SLC44A5: variants seen among roughly 807,000 people sequenced by gnomAD.
SLC44A5 encodes choline transporter-like protein 5.
A neutral mutation model predicts 101.8 loss-of-function variants in SLC44A5; 57 were observed. The observed-to-expected ratio is 0.56, with a 90% confidence interval of 0.45 to 0.70. The LOEUF (loss-of-function observed/expected upper bound fraction) is 0.70. Among genes scored for constraint, SLC44A5 ranks in the 30% least tolerant of loss-of-function variants. The pLI is 0.00. For synonymous variants in SLC44A5, 281 were observed against 290.9 expected, an observed-to-expected ratio of 0.97 and a Z score of 0.35; for missense variants, 737 against 853.1, an observed-to-expected ratio of 0.86 and a Z score of 1.70.
At chr1:75,423,866 T>C (rs1016367592) in intron 2 of SLC44A5, among the ~76,000 whole-genome samples, 9 of 152,216 alleles carry the variant, frequency 5.9e-5, no homozygotes, top group African/African-American at 2.2e-4. Flanking sequence ...CTGTTTTCCA[T>C]TTAAAACACC....
At chr1:75,653,618 CCCACA>C in the SLC44A5 span, among the ~76,000 whole-genome samples, 62 of 152,246 alleles carry the variant, frequency 4.1e-4, no homozygotes, top group East Asian at 0.01. Context: ...AAATCAACAG[CCCACA>C]CTGATTTAAC....
intron 2 of SLC44A5, among the ~76,000 whole-genome samples, chr1:75,503,279 A>C (rs1669067278): frequency 6.6e-6 from 1 of 152,128 alleles, no homozygotes; most frequent in African/African-American, 2.4e-5. Context: ...TCTTCAAAAA[A>C]TGCACTAACT....
At chr1:75,447,649 A>T (rs1456732092) in intron 2 of SLC44A5, among the ~76,000 whole-genome samples, 1 of 152,110 alleles carries the variant, frequency 6.6e-6, no homozygotes, top group African/African-American at 2.4e-5. Flanking sequence ...ATTGAAAGTG[A>T]TGATTTCTAG....
chr1:75,659,795 C>G, the SLC44A5 span, among the ~76,000 whole-genome samples: 2 of 151,818 alleles, frequency 1.3e-5, no homozygotes, highest in African/African-American at 4.8e-5. Flanking sequence ...ACCAATAATT[C>G]CGATGAACAT....
intron 7 of SLC44A5, among the ~76,000 whole-genome samples, chr1:75,248,376 T>G (rs980396908): frequency 2.6e-5 from 4 of 152,132 alleles, no homozygotes; most frequent in Admixed American, 2.6e-4. Flanking sequence ...TGCTTAATTA[T>G]GCAAGAGGAT....
At chr1:75,359,560 C>T (rs1659340540) in intron 3 of SLC44A5, among the ~76,000 whole-genome samples, 1 of 151,934 alleles carries the variant, frequency 6.6e-6, no homozygotes, top group African/African-American at 2.4e-5. Context: ...TTTCTTTATC[C>T]ATTAATCTGT....
chr1:75,311,923 G>C lies in SLC44A5; in HGVS notation c.102-11238C>G, dbSNP rs530072669. 7.2e-5 allele frequency among the ~76,000 whole-genome samples: 11 copies of C among 152,248 alleles called. No homozygotes were observed. The South Asian group carries it at 2.3e-3, about 32-fold the overall frequency. On this transcript the variant is annotated intron_variant, in intron 4 of 23. Transcript: ENST00000370859. Reference sequence around the variant, plus strand: ...AGGCCCTGAGGGCAGGTGAGACCAGGGTATGTCCTGGGAGCTGACAGATAG... The same window carrying C: ...AGGCCCTGAGGGCAGGTGAGACCAGCGTATGTCCTGGGAGCTGACAGATAG...
intron 4 of SLC44A5, among the ~76,000 whole-genome samples, chr1:75,323,842 T>TA (rs577134809): frequency 5.8e-4 from 88 of 152,310 alleles, no homozygotes; most frequent in African/African-American, 2.0e-3. Flanking sequence ...TATTTTGGGT[T>TA]AAAAAATGGC....
intron 12 of SLC44A5, among the ~76,000 whole-genome samples, chr1:75,228,306 C>T (rs553445682): frequency 6.6e-6 from 1 of 152,192 alleles, no homozygotes; most frequent in South Asian, 2.1e-4. Context: ...TTTTAGTGAA[C>T]TAAATCATTT....
At chr1:75,356,968 G>A (rs561372855) in intron 3 of SLC44A5, among the ~76,000 whole-genome samples, 47 of 152,224 alleles carry the variant, frequency 3.1e-4, no homozygotes, top group Non-Finnish European at 5.6e-4. Context: ...ATTTGTCTAC[G>A]TACATGCTAT....
chr1:75,208,009 A>G (rs1646781297), intron 23 of SLC44A5, among the ~76,000 whole-genome samples: 1 of 152,136 alleles, frequency 6.6e-6, no homozygotes, highest in African/African-American at 2.4e-5. Context: ...ATTTTAGTTA[A>G]TAATGGCCCC....
intron 15 of SLC44A5, 85 bp from the exon 16 acceptor site, chr1:75,219,429 G>A: frequency 1.1e-6 from 1 of 888,566 alleles, no homozygotes; most frequent in Non-Finnish European, 1.9e-6. Context: ...ACTCAAAAGT[G>A]CATGAGAAAT....
chr1:75,424,771 T>C (rs1266407829), intron 2 of SLC44A5, among the ~76,000 whole-genome samples: 1 of 152,140 alleles, frequency 6.6e-6, no homozygotes, highest in Admixed American at 6.5e-5. Flanking sequence ...CAATGCATTC[T>C]CTGCAATCAA....
At chr1:75,584,136 C>T (rs1433472353) in intron 1 of SLC44A5, among the ~76,000 whole-genome samples, 1 of 152,160 alleles carries the variant, frequency 6.6e-6, no homozygotes, top group African/African-American at 2.4e-5. Context: ...AGGAGAGATC[C>T]AAAGTAAAGG....
chr1:75,669,717 C>CA, the SLC44A5 span, among the ~76,000 whole-genome samples: 26 of 149,930 alleles, frequency 1.7e-4, no homozygotes, highest in South Asian at 1.1e-3. Flanking sequence ...CATGCACGCA[C>CA]AAAAAAAAAC....
At chr1:75,394,616 T>C (rs567170358) in intron 3 of SLC44A5, among the ~76,000 whole-genome samples, 39 of 152,238 alleles carry the variant, frequency 2.6e-4, no homozygotes, top group Admixed American at 9.2e-4. Context: ...CCACTGGCTT[T>C]GGTGGGCCTC....
chr1:75,688,476 T>A, the SLC44A5 span, among the ~76,000 whole-genome samples: 1 of 141,764 alleles, frequency 7.1e-6, no homozygotes, highest in African/African-American at 2.5e-5. Flanking sequence ...AAGATGTCCT[T>A]TCGAGGTCCT....
chr1:75,233,900 CA>C (rs1647825779), intron 12 of SLC44A5, 85 bp downstream of exon 12: 1 of 1,016,614 alleles, frequency 9.8e-7, no homozygotes, highest in African/African-American at 1.6e-5. Flanking sequence ...CCACTGAAAA[CA>C]AATGCTTTCT....
At chr1:75,536,690 T>C (rs2101936617) in intron 2 of SLC44A5, among the ~76,000 whole-genome samples, 1 of 149,504 alleles carries the variant, frequency 6.7e-6, no homozygotes, top group Admixed American at 6.6e-5. Context: ...TATTTTCTTC[T>C]CCCATTTTCT....
Sources: allele counts gnomAD v4.1 joint callset (sites outside exome capture counted in the v4.1 genomes callset), GRCh38; gene constraint gnomAD v4.1.1; transcripts MANE v1.5; gene names NCBI Gene and HGNC (gene_info 2026-07-23, HGNC 2026-07-21).